The following AHI1 variants were observed in gnomAD, a reference collection of about 807,000 sequenced individuals.
AHI1 encodes jouberin.
A neutral mutation model predicts 149.3 loss-of-function variants in AHI1; 123 were observed. The observed-to-expected ratio is 0.82, with a 90% CI of 0.71 to 0.96. The LOEUF (loss-of-function observed/expected upper bound fraction) is 0.96. Ranked by LOEUF, AHI1 falls within the 40% of genes least tolerant of loss-of-function variation. The pLI, the probability that AHI1 is intolerant of heterozygous loss-of-function variation, is 0.00. For synonymous variants in AHI1, 475 were observed against 459.8 expected (o/e 1.03, Z -0.42); for missense variants, 1,439 against 1,422.7 (o/e 1.01, Z -0.18).
At position 135,380,739 on chromosome 6, in the gene AHI1, C is replaced by A. The variant is rs543744568; in HGVS notation, c.3109+14037G>T. Among the ~76,000 whole-genome samples the A allele has an allele frequency of 4.9e-5, 6 of 121,432 alleles. 1 individual carries two copies. The highest frequency in any genetic ancestry group is 1.6e-4 in the African/African-American group (4 of 25,270). The allele number at this position is 121,432 out of a possible 152,430, so 79.7% of individuals were successfully genotyped here. A position where few individuals can be genotyped will look rare whatever the true frequency, so the allele number is the denominator to read the frequency against. On this transcript the variant is annotated intron_variant, in intron 23 of 28. Transcript: ENST00000265602. ...TCTTTTTAAGTAAAATAACCCCCCC[C>A]CCCCCAAAAAAAAAGTACAAAGTTA...
intron 22 of AHI1, among the ~76,000 whole-genome samples, chr6:135,400,582 G>C (rs534910147): frequency 3.3e-5 from 5 of 152,342 alleles, no homozygotes; most frequent in South Asian, 2.1e-4. Flanking sequence ...GACAGAAAAA[G>C]AGAGTGTGTG....
rs115720899 is a variant in AHI1, at chr6:135,396,284, T to G, written c.2989-1388A>C. ...AATACAGATCAAAACTGACCAGTTA[T>G]AGTGATACAATACCTAAAACAACAA... On this transcript the variant is annotated intron_variant, in intron 22 of 28. Coordinates refer to ENST00000265602, the MANE Select transcript of AHI1 (RefSeq NM_001134831.2). Among the ~76,000 whole-genome samples, 1,044 of 151,956 alleles carry G rather than the reference T, an allele frequency of 6.9e-3. 18 individuals carry two copies. The highest frequency in any genetic ancestry group is 0.024 in the African/African-American group (995 of 41,546).
intron 5 of AHI1, among the ~76,000 whole-genome samples, chr6:135,478,343 C>T (rs558450656): frequency 1.5e-4 from 23 of 152,196 alleles, no homozygotes; most frequent in African/African-American, 5.3e-4. Flanking sequence ...GCCAGGCTGA[C>T]GAGGTCTCAA....
intron 17 of AHI1, among the ~76,000 whole-genome samples, chr6:135,430,589 T>C (rs1784511914): frequency 6.6e-6 from 1 of 151,934 alleles, no homozygotes; most frequent in South Asian, 2.1e-4. Context: ...AATCAATTTA[T>C]ATAGAACAAA....
chr6:135,434,358 T>C (rs6910393), intron 15 of AHI1, among the ~76,000 whole-genome samples: 1,566 of 152,084 alleles, frequency 0.01, 34 homozygotes, highest in African/African-American at 0.036. Context: ...AATGAATCAA[T>C]TGCACAAGCA....
intron 23 of AHI1, among the ~76,000 whole-genome samples, chr6:135,382,603 G>C (rs562605058): frequency 1.8e-3 from 269 of 152,170 alleles, no homozygotes; most frequent in Admixed American, 4.2e-3. Context: ...GCTATTCTGA[G>C]TATAGTTTTA....
chr6:135,484,380 T>A (rs1323083655), intron 5 of AHI1, among the ~76,000 whole-genome samples: 2 of 152,188 alleles, frequency 1.3e-5, no homozygotes, highest in Non-Finnish European at 2.9e-5. Flanking sequence ...TTTAAATACC[T>A]TTTTGATAAG....
At chr6:135,496,657 C>T (rs1796002305) in intron 2 of AHI1, among the ~76,000 whole-genome samples, 1 of 152,108 alleles carries the variant, frequency 6.6e-6, no homozygotes, top group South Asian at 2.1e-4. Flanking sequence ...ACCTGATTAT[C>T]AGCCAATATG....
chr6:135,475,926 C>G (rs1423318663), intron 5 of AHI1, among the ~76,000 whole-genome samples: 9 of 152,134 alleles, frequency 5.9e-5, no homozygotes, highest in African/African-American at 1.9e-4. Flanking sequence ...TTTTATTACT[C>G]TTTTAAAAAA....
chr6:135,325,130 G>A (rs930717923), intron 24 of AHI1, among the ~76,000 whole-genome samples: 5 of 151,724 alleles, frequency 3.3e-5, no homozygotes, highest in African/African-American at 9.7e-5. Context: ...GGGTTCAAGC[G>A]ATTCTCCTGC....
intron 5 of AHI1, among the ~76,000 whole-genome samples, chr6:135,475,842 G>A (rs1792532071): frequency 6.6e-6 from 1 of 152,078 alleles, no homozygotes. Flanking sequence ...CAGCTTTTGA[G>A]TCCTGTGAGT....
Position 135,490,684 on chromosome 6 carries a change from T to C in AHI1, c.74A>G (p.Asp25Gly), listed in dbSNP as rs778792339. Residue 25 changes from aspartate to glycine, a missense_variant, in exon 5 of 29, where the codon GAT (aspartate) becomes GGT (glycine). Physicochemically the swap from Asp to Gly is moderately conservative, Grantham distance 94 (BLOSUM62 -1). Coordinates refer to ENST00000265602, the MANE Select transcript of AHI1 (RefSeq NM_001134831.2). ...RFEELLKTHS[D>G]LMREKKKLKK... ...CAGTTTTTTCTTTTCACGCATTAGA[T>C]CACTGTGGGTCTTAAGCAATTCTTC... 31 of 1,613,298 alleles carry C rather than the reference T, an allele frequency of 1.9e-5. 1 individual carries two copies. In the Admixed American group the frequency reaches 2.8e-4, roughly 15 times the overall value.
chr6:135,374,333 C>T (rs1023433561), intron 23 of AHI1, among the ~76,000 whole-genome samples: 3 of 151,566 alleles, frequency 2.0e-5, no homozygotes, highest in South Asian at 2.1e-4. Context: ...AGGCTGGTCT[C>T]GATCTCCTGA....
chr6:135,391,486 C>A (rs1778479460), intron 23 of AHI1, among the ~76,000 whole-genome samples: 1 of 152,166 alleles, frequency 6.6e-6, no homozygotes. Context: ...GGAGTTCATA[C>A]AGTAATGCTC....
In AHI1 at chr6:135,444,774, C is replaced by G. The variant is rs1786896663; in HGVS notation, c.1780-2060G>C. 2.0e-5 allele frequency among the ~76,000 whole-genome samples: 3 copies of G among 152,358 alleles called. No individual in the cohort carries two copies. The South Asian group carries it at 6.2e-4, about 32-fold the overall frequency. On this transcript the variant is annotated intron_variant, in intron 13 of 28. Coordinates refer to ENST00000265602, the MANE Select transcript of AHI1 (RefSeq NM_001134831.2). The stretch of plus-strand genomic sequence containing the variant: ...AGATTTTCGTAAGTGCCTCTGCTCT[C>G]TTGTGATATCACGTTATTTAGCCTC...
intron 24 of AHI1, among the ~76,000 whole-genome samples, chr6:135,344,850 A>G (rs1377987335): frequency 6.6e-6 from 1 of 151,964 alleles, no homozygotes; most frequent in Non-Finnish European, 1.5e-5. Context: ...GCTACTCCAC[A>G]GGCAGAGCAA....
rs1794368780 is a variant in AHI1, at chr6:135,485,692, T to C, written c.135+4931A>G. ...TTCTCCAATATTTTCTTATTGTTTC[T>C]AGCTATAATCTTTAATTTTGTATAC... is the stretch of plus-strand genomic sequence containing the variant. On this transcript the variant is annotated intron_variant, in intron 5 of 28. Transcript: ENST00000265602. Among the ~76,000 whole-genome samples, 3 of 152,262 alleles carry C rather than the reference T, an allele frequency of 2.0e-5. No homozygotes were observed. The South Asian group carries it at 6.2e-4, about 31-fold the overall frequency.
chr6:135,300,325 C>CAAAA (rs557417336), intron 27 of AHI1, among the ~76,000 whole-genome samples, 175 bp downstream of exon 27: 1 of 65,922 alleles, frequency 1.5e-5, no homozygotes. Context: ...ACTCTGTCTC[C>CAAAA]AAAAAAAAAA....
intron 24 of AHI1, among the ~76,000 whole-genome samples, chr6:135,349,131 C>G (rs77308029): frequency 6.6e-6 from 1 of 152,040 alleles, no homozygotes; most frequent in Non-Finnish European, 1.5e-5. Context: ...ACAACAGGTG[C>G]GTGGCACTGC....
Sources: allele counts gnomAD v4.1 joint callset (sites outside exome capture counted in the v4.1 genomes callset), GRCh38; gene constraint gnomAD v4.1.1; transcripts MANE v1.5; gene names NCBI Gene and HGNC (gene_info 2026-07-23, HGNC 2026-07-21).